Variants in MALRD1 observed in about 807,000 individuals in gnomAD.
The protein encoded by MALRD1 is MAM and LDL receptor class A domain containing 1, also known as MAM and LDL-receptor class A domain-containing protein 1.
A neutral mutation model predicts 242.1 loss-of-function variants in MALRD1; 247 were observed. The observed-to-expected ratio is 1.02, with a 90% CI of 0.92 to 1.13. The LOEUF is 1.13. Ranked by LOEUF, MALRD1 falls within the 50% of genes most tolerant of loss-of-function variation. The pLI is 0.00. For synonymous variants in MALRD1, 995 were observed against 866.6 expected, an observed-to-expected ratio of 1.15 and a Z score of -2.60; for missense variants, 2,989 against 2,533.1, an observed-to-expected ratio of 1.18 and a Z score of -3.86.
chr10:19,325,748 C>G (rs558052473), intron 22 of MALRD1, among the ~76,000 whole-genome samples: 9 of 152,144 alleles, frequency 5.9e-5, no homozygotes, highest in African/African-American at 1.4e-4. Context: ...AAGGACTCTC[C>G]CCCTTTTAAA....
chr10:19,462,896 A>C (rs897608279), intron 29 of MALRD1, among the ~76,000 whole-genome samples: 2 of 152,202 alleles, frequency 1.3e-5, no homozygotes, highest in African/African-American at 4.8e-5. Context: ...CTGGCAAGAA[A>C]AAATAAGGCA....
At chr10:19,500,596 C>T (rs1163993650) in intron 31 of MALRD1, among the ~76,000 whole-genome samples, 1 of 152,160 alleles carries the variant, frequency 6.6e-6, no homozygotes, top group African/African-American at 2.4e-5. Flanking sequence ...TTAAAACCTC[C>T]TAAACCCAAT....
chr10:19,063,917 C>T (rs1232769076), intron 1 of MALRD1, among the ~76,000 whole-genome samples: 3 of 151,654 alleles, frequency 2.0e-5, no homozygotes, highest in Non-Finnish European at 2.9e-5. Flanking sequence ...ACATTGTGCA[C>T]ATGTACCCTA....
At chr10:19,424,706 A>G (rs1236659198) in intron 28 of MALRD1, among the ~76,000 whole-genome samples, 1 of 152,268 alleles carries the variant, frequency 6.6e-6, no homozygotes, top group East Asian at 1.9e-4. Context: ...AACTCCTCCA[A>G]TTGTGTTTGG....
intron 28 of MALRD1, among the ~76,000 whole-genome samples, chr10:19,448,510 A>G (rs1835129480): frequency 6.7e-6 from 1 of 149,410 alleles, no homozygotes. Flanking sequence ...GGCTAGACCT[A>G]GAATAACAAA....
chr10:19,642,540 G>GA (rs1223327508), intron 36 of MALRD1, among the ~76,000 whole-genome samples: 6 of 152,106 alleles, frequency 3.9e-5, no homozygotes, highest in Non-Finnish European at 8.8e-5. Flanking sequence ...GTATTGAATA[G>GA]AATCACAGGG....
intron 18 of MALRD1, among the ~76,000 whole-genome samples, chr10:19,221,746 C>T (rs1208297543): frequency 6.6e-6 from 1 of 151,756 alleles, no homozygotes; most frequent in Admixed American, 6.6e-5. Flanking sequence ...TTTGGACCCT[C>T]CAAAATTACA....
chr10:19,660,421 G>A (rs1841374932), intron 36 of MALRD1, among the ~76,000 whole-genome samples: 1 of 152,090 alleles, frequency 6.6e-6, no homozygotes, highest in Non-Finnish European at 1.5e-5. Flanking sequence ...TGCCTTCCTG[G>A]ACCTTAGAGG....
chr10:19,202,794 T>G (rs1368381006), intron 14 of MALRD1, among the ~76,000 whole-genome samples: 4 of 152,040 alleles, frequency 2.6e-5, no homozygotes, highest in Non-Finnish European at 5.9e-5. Context: ...TTGCTTTACT[T>G]TTTTTTTCAA....
rs1008098628 is a variant in MALRD1, at chr10:19,367,950, GTAT to G, written c.4441+15667_4441+15669del. On this transcript the variant is annotated intron_variant, in intron 26 of 39. Transcript: ENST00000454679. ...ATCATTTGCCTATTTTTAAATTGGA[GTAT>G]TATTATTATTATTTTGCTGTTGAGA... Among the ~76,000 whole-genome samples the G allele has an allele frequency of 3.9e-4, 59 of 151,854 alleles. No individual in the cohort carries two copies. In the South Asian group the frequency reaches 4.8e-3, roughly 12 times the overall value.
chr10:19,165,655 T>G lies in MALRD1; in HGVS notation c.1675T>G (p.Leu559Val). The G allele has an allele frequency of 5.7e-6, 7 of 1,231,578 alleles. No individual in the cohort carries two copies. The highest frequency in any genetic ancestry group is 7.1e-6 in the Non-Finnish European group (7 of 987,918). 76.3% of individuals were successfully genotyped at this position (1,231,578 alleles called of 1,614,324 possible). A position where few individuals can be genotyped will look rare whatever the true frequency, so the allele number is the denominator to read the frequency against. The change falls in exon 13 of 40, where the codon TTG becomes GTG. Residue 559 changes from leucine (L) to valine (V), a missense_variant. Transcript: ENST00000454679. Reference protein sequence around the residue: ...TPCQVQFWYHLSQHSNLSVFT... With the variant: ...TPCQVQFWYHVSQHSNLSVFT... ...TCAACAGGTGCAGTTTTGGTATCAT[T>G]TGTCTCAACATTCAAATCTCTCAGT...
At chr10:19,622,937 G>C (rs780778874) in intron 36 of MALRD1, among the ~76,000 whole-genome samples, 7 of 151,854 alleles carry the variant, frequency 4.6e-5, no homozygotes, top group Non-Finnish European at 1.0e-4. Flanking sequence ...GGGAGTATTG[G>C]GGCAACTAGT....
intron 26 of MALRD1, among the ~76,000 whole-genome samples, chr10:19,381,980 A>G (rs1845857314): frequency 6.6e-6 from 1 of 152,168 alleles, no homozygotes; most frequent in Non-Finnish European, 1.5e-5. Flanking sequence ...ATTTTGACCA[A>G]TGGTACTACG....
chr10:19,571,130 A>G (rs1327612307), intron 33 of MALRD1, among the ~76,000 whole-genome samples: 3 of 152,150 alleles, frequency 2.0e-5, no homozygotes, highest in South Asian at 4.1e-4. Context: ...AAATGTGAGA[A>G]CAGATTATAA....
At chr10:19,381,840 A>G (rs1449935002) in intron 26 of MALRD1, among the ~76,000 whole-genome samples, 1 of 152,072 alleles carries the variant, frequency 6.6e-6, no homozygotes, top group Non-Finnish European at 1.5e-5. Context: ...CTCTGTCTCA[A>G]AAATAAAATA....
intron 28 of MALRD1, among the ~76,000 whole-genome samples, chr10:19,417,003 A>C (rs1833536490): frequency 6.6e-6 from 1 of 152,220 alleles, no homozygotes; most frequent in Non-Finnish European, 1.5e-5. Context: ...GTTCAGTCAC[A>C]TTCAACAACT....
intron 33 of MALRD1, among the ~76,000 whole-genome samples, chr10:19,594,896 G>A (rs533130854): frequency 6.6e-6 from 1 of 152,142 alleles, no homozygotes; most frequent in South Asian, 2.1e-4. Flanking sequence ...ACACTGCTCA[G>A]GTGATGGGTG....
At chr10:19,724,157 C>T (rs890866010) in intron 38 of MALRD1, among the ~76,000 whole-genome samples, 3 of 152,110 alleles carry the variant, frequency 2.0e-5, no homozygotes, top group Non-Finnish European at 4.4e-5. Flanking sequence ...CAGTGTTACT[C>T]CCATGAGATG....
At chr10:19,445,661 T>A (rs1192132655) in intron 28 of MALRD1, among the ~76,000 whole-genome samples, 6 of 152,214 alleles carry the variant, frequency 3.9e-5, no homozygotes, top group Admixed American at 1.3e-4. Flanking sequence ...ATCGTTCCTC[T>A]GGAATCTTTG....
Sources: gnomAD v4.1 joint callset for allele counts (sites outside exome capture counted in the v4.1 genomes callset) on GRCh38, gnomAD v4.1.1 for gene constraint, MANE v1.5 for transcripts, NCBI Gene and HGNC (gene_info 2026-07-23, HGNC 2026-07-21) for gene names.